ARHGAP29: variants seen among roughly 807,000 people sequenced by gnomAD.
ARHGAP29 encodes the protein rho GTPase-activating protein 29.
ARHGAP29 carries 43 observed loss-of-function variants against 122.6 expected under a neutral mutation model. That is an observed-to-expected ratio of 0.35 (90% CI 0.27 to 0.45). ARHGAP29 has a LOEUF of 0.45. Ranked by LOEUF, ARHGAP29 falls within the 20% of genes least tolerant of loss-of-function variation. ARHGAP29 has a pLI of 1.00. For synonymous variants in ARHGAP29, 506 were observed against 497.1 expected, an observed-to-expected ratio of 1.02 and a Z score of -0.24; for missense variants, 1,303 against 1,477.2, an observed-to-expected ratio of 0.88 and a Z score of 1.93.
At chr1:94,274,935 G>A (rs1655127759) in intron 1 of ARHGAP29, 4 of 152,226 alleles carry the variant, frequency 2.6e-5, no homozygotes, top group Admixed American at 6.5e-5. Context: ...TAAGGGTCTT[G>A]TTTTCTCTAG....
chr1:94,248,394 T>A (rs1489324137), intron 1 of ARHGAP29, among the ~76,000 whole-genome samples: 1 of 152,202 alleles, frequency 6.6e-6, no homozygotes, highest in African/African-American at 2.4e-5. Context: ...TTTATCTAGA[T>A]GTTGGATCAC....
At position 94,201,795 on chromosome 1, in the gene ARHGAP29, A is replaced by T. The variant is rs911688842; in HGVS notation, c.1206T>A (p.Asp402Glu). 2 of 1,613,692 alleles carry T rather than the reference A, an allele frequency of 1.2e-6. No homozygotes were observed. The highest frequency in any genetic ancestry group is 1.7e-6 in the Non-Finnish European group (2 of 1,179,890). The change falls in exon 12 of 23, where the codon GAT (aspartate) becomes GAA (glutamate). Residue 402 changes from aspartate (D) to glutamate (E), a missense_variant. Coordinates refer to ENST00000260526, the MANE Select transcript of ARHGAP29 (RefSeq NM_004815.4). Reference protein sequence around the residue: ...CVTNVEERRNDLENTKREILA... With the variant: ...CVTNVEERRNELENTKREILA... The stretch of plus-strand genomic sequence containing the variant: ...AAATTTCTCTTTTGGTATTTTCTAG[A>T]TCATTTCTTCTTTCTTCAACATTTG...
Position 94,174,546 on chromosome 1 carries a change from T to C in ARHGAP29, c.3109A>G (p.Arg1037Gly). ...LASPPNERNG[R>G]NMGNVNLDKF... Reference sequence around the variant, plus strand: ...TCTAAATTTACATTTCCCATATTTCTGCCATTTCTCTCATTAGGAGGACTT... The same window carrying C: ...TCTAAATTTACATTTCCCATATTTCCGCCATTTCTCTCATTAGGAGGACTT... The change falls in exon 23 of 23, where the codon AGA becomes GGA. Residue 1037 changes from arginine (R) to glycine (G), a missense_variant. This residue lies in a region of ARHGAP29 where 620 missense variants were observed against 651.2 expected (regional missense o/e 0.95). Transcript: ENST00000260526. 6.2e-7 allele frequency: 1 copy of C among 1,614,218 alleles called. No homozygotes were observed. The highest frequency in any genetic ancestry group is 8.5e-7 in the Non-Finnish European group (1 of 1,180,034).
At chr1:94,302,755 C>T in the ARHGAP29 span, 1 of 339,920 alleles carries the variant, frequency 2.9e-6, no homozygotes, top group South Asian at 2.4e-5. Flanking sequence ...ATGGACCTGA[C>T]CTGCTCTCTG....
Position 94,177,864 on chromosome 1 carries a change from A to T in ARHGAP29, c.2784T>A (p.Phe928Leu). 6.2e-7 allele frequency: 1 copy of T among 1,607,392 alleles called. No individual in the cohort carries two copies. The highest frequency in any genetic ancestry group is 8.5e-7 in the Non-Finnish European group (1 of 1,177,886). Residue 928 changes from phenylalanine (F) to leucine (L), a missense_variant, in exon 21 of 23, where the codon TTT becomes TTA. Coordinates refer to ENST00000260526, the MANE Select transcript of ARHGAP29 (RefSeq NM_004815.4). ...AGGTCAAACTCACTTCCTTTGAAGA[A>T]AAAAATAGTGACTTCATGGAACGTT... ...DIERSMKSLF[F>L]SSKEDIHTSE...
At chr1:94,280,176 A>T in the ARHGAP29 span, among the ~76,000 whole-genome samples, 1 of 152,112 alleles carries the variant, frequency 6.6e-6, no homozygotes. Flanking sequence ...CACACTCATG[A>T]TGGCTAGCTT....
chr1:94,286,765 G>C, the ARHGAP29 span, among the ~76,000 whole-genome samples: 1 of 152,166 alleles, frequency 6.6e-6, no homozygotes, highest in Non-Finnish European at 1.5e-5. Flanking sequence ...AAGGTCTTTG[G>C]TGATCAAATG....
At chr1:94,284,811 TGA>T in the ARHGAP29 span, among the ~76,000 whole-genome samples, 1 of 152,226 alleles carries the variant, frequency 6.6e-6, no homozygotes. Flanking sequence ...TAAGTTTCTT[TGA>T]TTTCTAAGCC....
At chr1:94,234,401 T>C (rs1249966950) in intron 1 of ARHGAP29, among the ~76,000 whole-genome samples, 2 of 152,226 alleles carry the variant, frequency 1.3e-5, no homozygotes, top group Non-Finnish European at 1.5e-5. Flanking sequence ...TAAAATGGTA[T>C]GTTTCAAAAA....
chr1:94,190,031 T>C lies in ARHGAP29; in HGVS notation c.1334A>G (p.Asp445Gly). ...ACTATCACAGAGAGACTGTAAACTG[T>C]CTGCAAGGGAAGCAGCCTGCAGATG... ...MQHLQAASLADSLQSLCDSAK... is the reference protein window; with the variant it reads ...MQHLQAASLAGSLQSLCDSAK... Residue 445 changes from aspartate to glycine, a missense_variant, in exon 13 of 23, where the codon GAC (aspartate) becomes GGC (glycine). Around this residue, in one of 3 missense-constraint regions of ARHGAP29, gnomAD observed 592 missense variants for 648.2 expected, o/e 0.91. Coordinates refer to ENST00000260526, the MANE Select transcript of ARHGAP29 (RefSeq NM_004815.4). 1 of 1,613,476 alleles carries C rather than the reference T, an allele frequency of 6.2e-7. No individual in the cohort carries two copies. Among genetic ancestry groups the C allele is most frequent in the Non-Finnish European group, 8.5e-7 (1 of 1,179,608 alleles).
At chr1:94,241,986 G>C (rs1003550247), upstream of ARHGAP29, among the ~76,000 whole-genome samples, 1 of 151,904 alleles carries the variant, frequency 6.6e-6, no homozygotes, top group Non-Finnish European at 1.5e-5. Context: ...TGAAGAGACA[G>C]AGATCATGGT....
chr1:94,178,222 C>T, intron 20 of ARHGAP29, 55 bp from the exon 21 acceptor site: 2 of 1,515,624 alleles, frequency 1.3e-6, no homozygotes, highest in East Asian at 2.3e-5. Context: ...AGTTCCTTGA[C>T]TGTAGTTTAC....
chr1:94,238,928 C>A (rs534975666), upstream of ARHGAP29, among the ~76,000 whole-genome samples: 1 of 152,060 alleles, frequency 6.6e-6, no homozygotes, highest in Non-Finnish European at 1.5e-5. Context: ...TAAGAAAATA[C>A]AACAAATTTG....
At chr1:94,265,827 G>A (rs953988539) in intron 1 of ARHGAP29, among the ~76,000 whole-genome samples, 2 of 152,316 alleles carry the variant, frequency 1.3e-5, no homozygotes, top group South Asian at 4.1e-4. Context: ...AAGGTGAGAG[G>A]CTGTGGGTGC....
intron 6 of ARHGAP29, among the ~76,000 whole-genome samples, 193 bp from the exon 7 acceptor site, chr1:94,205,391 TA>T (rs959221628): frequency 3.9e-5 from 6 of 152,184 alleles, no homozygotes; most frequent in Non-Finnish European, 8.8e-5. Context: ...ATTTTTATCT[TA>T]AAATATATTT....
chr1:94,211,155 C>T (rs970672232), intron 3 of ARHGAP29, among the ~76,000 whole-genome samples: 4 of 151,368 alleles, frequency 2.6e-5, no homozygotes, highest in East Asian at 1.9e-4. Flanking sequence ...GCAATGGTGA[C>T]GCGTGCCTGT....
rs991156467 is a variant in ARHGAP29, at chr1:94,237,417, C to T, written c.-35G>A. The T allele has an allele frequency of 1.4e-4, 142 of 986,588 alleles. No homozygotes were observed. Among genetic ancestry groups the T allele is most frequent in the Non-Finnish European group, 1.6e-4 (135 of 830,720 alleles). The allele number at this position is 986,588 out of a possible 1,614,324, so 61.1% of individuals were successfully genotyped here. ...AAGCGCCACCTCCTCACACTCACCACGGCGCTCCATCTCGCGTGCCGGACG... is the reference window on the plus strand; with the variant it reads ...AAGCGCCACCTCCTCACACTCACCATGGCGCTCCATCTCGCGTGCCGGACG... On this transcript the variant is annotated splice_region_variant and 5_prime_UTR_variant, in exon 1 of 23. It adds an upstream start codon to the 5' untranslated region. Transcript: ENST00000260526.
At position 94,170,148 on chromosome 1, in the gene ARHGAP29, A is replaced by C. The variant is rs1648635968; in HGVS notation, c.*3721T>G. Among the ~76,000 whole-genome samples the C allele has an allele frequency of 6.6e-6, 1 of 152,214 alleles. No homozygotes were observed. Among genetic ancestry groups the C allele is most frequent in the South Asian group, 2.1e-4 (1 of 4,832 alleles). On this transcript the variant is annotated 3_prime_UTR_variant, in exon 23 of 23. Transcript: ENST00000260526. Reference sequence around the variant, plus strand: ...TTACAATCTTTAAGAATCTCCTCACAAATTACTTCCTAATTCTAATTTTAC... The same window carrying C: ...TTACAATCTTTAAGAATCTCCTCACCAATTACTTCCTAATTCTAATTTTAC...
chr1:94,252,035 A>G (rs951767223), intron 1 of ARHGAP29, among the ~76,000 whole-genome samples: 1 of 152,250 alleles, frequency 6.6e-6, no homozygotes. Flanking sequence ...TGAAAGATTT[A>G]AAGAAAATAA....
Sources: allele counts gnomAD v4.1 joint callset (sites outside exome capture counted in the v4.1 genomes callset), GRCh38; gene constraint gnomAD v4.1.1; regional missense constraint gnomAD v4.1.1; transcripts MANE v1.5; gene names NCBI Gene and HGNC (gene_info 2026-07-23, HGNC 2026-07-21).